CTCFL: variants seen among roughly 807,000 people sequenced by gnomAD.
CTCFL encodes the protein CCCTC-binding factor like, also known as transcriptional repressor CTCFL.
Under a neutral mutation model 67.4 loss-of-function variants are expected in CTCFL, and 36 were observed. The observed-to-expected ratio is 0.53, with a 90% confidence interval of 0.41 to 0.71. The LOEUF (loss-of-function observed/expected upper bound fraction) is 0.71. CTCFL is among the 30% of genes least tolerant of loss of function. The pLI is 0.00. For missense variants in CTCFL, 786 were observed against 835.2 expected, an observed-to-expected ratio of 0.94 and a Z score of 0.73; for synonymous variants, 324 against 302.3, an observed-to-expected ratio of 1.07 and a Z score of -0.75.
intron 9 of CTCFL, among the ~76,000 whole-genome samples, chr20:57,506,378 A>G (rs974626286): frequency 2.0e-5 from 3 of 152,186 alleles, no homozygotes; most frequent in African/African-American, 7.2e-5. Flanking sequence ...GTCTCAGCTC[A>G]CTGCAACCTC....
At chr20:57,524,906 G>A (rs925012093) in intron 1 of CTCFL, 122 bp downstream of exon 1, 6 of 281,766 alleles carry the variant, frequency 2.1e-5, no homozygotes, top group Non-Finnish European at 2.6e-5. Flanking sequence ...CTCCCAGGCA[G>A]CCCCTCAGCG....
intron 6 of CTCFL, 50 bp from the exon 7 acceptor site, chr20:57,514,791 A>G: frequency 1.3e-6 from 2 of 1,568,970 alleles, no homozygotes; most frequent in Non-Finnish European, 1.7e-6. Flanking sequence ...GATCCTTGCC[A>G]AAGGCCACCT....
intron 9 of CTCFL, among the ~76,000 whole-genome samples, 155 bp from the exon 10 acceptor site, chr20:57,503,756 A>G (rs766148827): frequency 6.6e-6 from 1 of 152,080 alleles, no homozygotes; most frequent in Admixed American, 6.6e-5. Flanking sequence ...AGAAGTAAAT[A>G]AGCAACTTGA....
In CTCFL at chr20:57,498,463, G is replaced by A; in HGVS notation, c.*87C>T. 2 of 1,531,520 alleles carry A rather than the reference G, an allele frequency of 1.3e-6. No homozygotes were observed. Among genetic ancestry groups the A allele is most frequent in the Non-Finnish European group, 1.8e-6 (2 of 1,136,234 alleles). 94.9% of individuals were successfully genotyped at this position (1,531,520 alleles called of 1,614,324 possible). ...TGACTCTCTCTCACTTATCCATCGT[G>A]TTGAGGAGCATTTCACACCTTAAAT... On this transcript the variant is annotated 3_prime_UTR_variant, in exon 11 of 11. Coordinates refer to ENST00000243914, the MANE Select transcript of CTCFL (RefSeq NM_001386993.1).
chr20:57,519,035 CATGT>C (rs2069138971), intron 4 of CTCFL, 144 bp from the exon 5 acceptor site: 2 of 1,179,364 alleles, frequency 1.7e-6, no homozygotes, highest in African/African-American at 3.1e-5. Context: ...ACCACAGATG[CATGT>C]GAGAAAAATC....
In CTCFL at chr20:57,498,404, T is replaced by C; in HGVS notation, c.*146A>G. The C allele has an allele frequency of 1.4e-6, 2 of 1,422,126 alleles. No individual in the cohort carries two copies. The highest frequency in any genetic ancestry group is 1.8e-6 in the Non-Finnish European group (2 of 1,083,942). The allele number at this position is 1,422,126 out of a possible 1,614,324, so 88.1% of individuals were successfully genotyped here. A position where few individuals can be genotyped will look rare whatever the true frequency, so the allele number is the denominator to read the frequency against. On this transcript the variant is annotated 3_prime_UTR_variant, in exon 11 of 11. Coordinates refer to ENST00000243914, the MANE Select transcript of CTCFL (RefSeq NM_001386993.1). ...AAGAAAATGCTAAAAATTTCTAACT[T>C]GCTTTAGGAATTAGGGGCAGTGAAC...
At chr20:57,522,203 G>A (rs749339949) in intron 3 of CTCFL, among the ~76,000 whole-genome samples, 4 of 152,144 alleles carry the variant, frequency 2.6e-5, no homozygotes, top group Non-Finnish European at 4.4e-5. Flanking sequence ...GGTGGTGGTG[G>A]CAGTGTTTGG....
In CTCFL at chr20:57,523,769, T is replaced by C. The variant is rs769813539; in HGVS notation, c.437A>G (p.Gln146Arg). ...GTGGAACTGCAACACCTCCATCTCT[T>C]GCGGGGAGTACAGCTCTTGCTGGAT... is the stretch of plus-strand genomic sequence containing the variant. ...ISIQQELYSP[Q>R]EMEVLQFHAL... The change falls in exon 2 of 11, where the codon CAA becomes CGA. Residue 146 changes from glutamine to arginine, a missense_variant. Physicochemically the swap from Gln to Arg is conservative, Grantham distance 43 (BLOSUM62 1). Transcript: ENST00000243914. 11 of 1,613,400 alleles carry C rather than the reference T, an allele frequency of 6.8e-6. No homozygotes were observed. Among genetic ancestry groups the C allele is most frequent in the Admixed American group, 1.7e-5 (1 of 60,028 alleles).
intron 1 of CTCFL, chr20:57,524,696 A>C: frequency 1.0e-6 from 1 of 998,196 alleles, no homozygotes; most frequent in Non-Finnish European, 1.2e-6. Flanking sequence ...GCGCCCAGCG[A>C]GGTTCGGGCC....
At chr20:57,524,876 C>T (rs969196144) in intron 1 of CTCFL, 152 bp downstream of exon 1, 9 of 501,964 alleles carry the variant, frequency 1.8e-5, no homozygotes, top group South Asian at 1.7e-4. Flanking sequence ...CTGCCCCCCA[C>T]GCCCCGCCCC....
intron 10 of CTCFL, among the ~76,000 whole-genome samples, chr20:57,501,332 C>G (rs958791839): frequency 1.4e-5 from 2 of 143,886 alleles, no homozygotes; most frequent in African/African-American, 5.2e-5. Context: ...TCTGAAGATA[C>G]GGAGCATGTT....
At chr20:57,511,830 T>C (rs1218360930) in intron 8 of CTCFL, among the ~76,000 whole-genome samples, 1 of 151,900 alleles carries the variant, frequency 6.6e-6, no homozygotes, top group East Asian at 1.9e-4. Flanking sequence ...TGACCTCAAG[T>C]GATCCACATG....
In CTCFL at chr20:57,507,430, T is replaced by C. The variant is rs187645801; in HGVS notation, c.1674+1176A>G. 2,460 of 621,588 alleles carry C rather than the reference T, an allele frequency of 4.0e-3. 9 individuals carry two copies. The highest frequency in any genetic ancestry group is 5.5e-3 in the Admixed American group (225 of 41,270). 38.5% of individuals were successfully genotyped at this position (621,588 alleles called of 1,614,324 possible). Reference sequence around the variant, plus strand: ...CCAGGCTGGTCTTGAGCTCCTGGCCTCAAGTTATCCACCTGCCTTGGCCTC... The same window carrying C: ...CCAGGCTGGTCTTGAGCTCCTGGCCCCAAGTTATCCACCTGCCTTGGCCTC... On this transcript the variant is annotated intron_variant, in intron 9 of 10. Coordinates refer to ENST00000243914, the MANE Select transcript of CTCFL (RefSeq NM_001386993.1).
intron 10 of CTCFL, among the ~76,000 whole-genome samples, chr20:57,500,738 C>T (rs1351666326): frequency 6.6e-6 from 1 of 152,214 alleles, no homozygotes; most frequent in Non-Finnish European, 1.5e-5. Context: ...CTCAACTCTT[C>T]TCCATAGCAA....
intron 10 of CTCFL, chr20:57,500,224 G>A: frequency 9.6e-7 from 1 of 1,045,246 alleles, no homozygotes; most frequent in Non-Finnish European, 1.2e-6. Context: ...CACCACTTTG[G>A]GAGGCCGAGG....
intron 8 of CTCFL, among the ~76,000 whole-genome samples, chr20:57,510,818 T>C (rs527366511): frequency 2.6e-5 from 4 of 152,238 alleles, no homozygotes; most frequent in African/African-American, 9.6e-5. Context: ...ATAGCGCCAC[T>C]GCACTCTAGC....
At chr20:57,515,295 C>G (rs2068835661) in intron 6 of CTCFL, 1 of 190,248 alleles carries the variant, frequency 5.3e-6, no homozygotes, top group Non-Finnish European at 1.1e-5. Flanking sequence ...CAGGTGTGCA[C>G]CACCAGGCCC....
At chr20:57,502,332 G>A (rs1337026457) in intron 10 of CTCFL, among the ~76,000 whole-genome samples, 6 of 152,254 alleles carry the variant, frequency 3.9e-5, no homozygotes, top group African/African-American at 7.2e-5. Context: ...TTCTACCCGA[G>A]TTTCAGATAC....
chr20:57,507,127 A>C, intron 9 of CTCFL: 2 of 838,760 alleles, frequency 2.4e-6, no homozygotes, highest in Non-Finnish European at 2.9e-6. Flanking sequence ...CTTTCAAAAG[A>C]AACTTCATTC....
Sources: allele counts gnomAD v4.1 joint callset (sites outside exome capture counted in the v4.1 genomes callset), GRCh38; gene constraint gnomAD v4.1.1; transcripts MANE v1.5; gene names NCBI Gene and HGNC (gene_info 2026-07-23, HGNC 2026-07-21).